Variants in CDYL2 observed in about 807,000 individuals in gnomAD.
CDYL2 encodes the protein chromodomain Y-like protein 2.
CDYL2 carries 23 observed loss-of-function variants against 49.4 expected under a neutral mutation model. That is an observed-to-expected ratio of 0.47 (90% confidence interval 0.34 to 0.66). The LOEUF (loss-of-function observed/expected upper bound fraction) is 0.66. Among genes scored for constraint, CDYL2 ranks in the 30% least tolerant of loss-of-function variants. The pLI is 0.01. For synonymous variants in CDYL2, 360 were observed against 268.8 expected (o/e 1.34, Z -3.32); for missense variants, 678 against 656.4 (o/e 1.03, Z -0.36).
At chr16:80,757,554 AT>A (rs1356286887) in intron 1 of CDYL2, among the ~76,000 whole-genome samples, 121 of 134,498 alleles carry the variant, frequency 9.0e-4, no homozygotes, top group African/African-American at 1.8e-3. Context: ...AAAAAAAAAA[AT>A]ATATATATAT....
At chr16:80,661,995 A>G (rs529159350) in intron 2 of CDYL2, among the ~76,000 whole-genome samples, 1 of 152,156 alleles carries the variant, frequency 6.6e-6, no homozygotes, top group African/African-American at 2.4e-5. Flanking sequence ...AACATACCCC[A>G]CGCCAAATTC....
chr16:80,735,688 G>C (rs1265330488), intron 1 of CDYL2, among the ~76,000 whole-genome samples: 1 of 152,176 alleles, frequency 6.6e-6, no homozygotes, highest in Non-Finnish European at 1.5e-5. Flanking sequence ...TTTGTGCATA[G>C]ACCTTTTTTT....
chr16:80,801,923 C>T (rs553002710), intron 1 of CDYL2, among the ~76,000 whole-genome samples: 2 of 152,214 alleles, frequency 1.3e-5, no homozygotes, highest in African/African-American at 2.4e-5. Context: ...GTTATATTCT[C>T]GTAATGCAAT....
chr16:80,742,818 T>C (rs1355544112), intron 1 of CDYL2, among the ~76,000 whole-genome samples: 1 of 144,136 alleles, frequency 6.9e-6, no homozygotes, highest in Non-Finnish European at 1.5e-5. Flanking sequence ...AGATGTAAAA[T>C]GAAAGACTGG....
intron 1 of CDYL2, among the ~76,000 whole-genome samples, chr16:80,800,381 G>A (rs1014564051): frequency 3.9e-5 from 6 of 152,220 alleles, no homozygotes; most frequent in East Asian, 3.9e-4. Context: ...ATGTGGACAC[G>A]GCAAAGGCTA....
intron 1 of CDYL2, among the ~76,000 whole-genome samples, chr16:80,751,039 A>G (rs189037327): frequency 6.4e-4 from 97 of 152,314 alleles, no homozygotes; most frequent in African/African-American, 2.1e-3. Context: ...AGTTACTTCA[A>G]ACTTTCAAAA....
At chr16:80,604,680 T>G in intron 6 of CDYL2, 134 bp from the exon 7 acceptor site, 1 of 840,932 alleles carries the variant, frequency 1.2e-6, no homozygotes, top group African/African-American at 1.7e-5. Flanking sequence ...AGCCTGGGCC[T>G]TCCCAGTCCC....
At chr16:80,615,109 G>C (rs976603477) in intron 4 of CDYL2, among the ~76,000 whole-genome samples, 5 of 152,106 alleles carry the variant, frequency 3.3e-5, no homozygotes, top group Non-Finnish European at 7.3e-5. Context: ...TAAGATGGTG[G>C]AGTTAGCTCT....
intron 1 of CDYL2, among the ~76,000 whole-genome samples, chr16:80,712,097 A>ATG (rs1904624995): frequency 6.9e-6 from 1 of 145,266 alleles, no homozygotes; most frequent in African/African-American, 2.6e-5. Context: ...GTGTATATAT[A>ATG]TGTGTATATA....
chr16:80,767,628 G>A (rs1906769912), intron 1 of CDYL2, among the ~76,000 whole-genome samples: 1 of 152,184 alleles, frequency 6.6e-6, no homozygotes, highest in African/African-American at 2.4e-5. Context: ...TTCAGACAGT[G>A]AACAAGGTAG....
chr16:80,685,132 G>A lies in CDYL2; in HGVS notation c.25-3C>T, dbSNP rs1348408429. The A allele has an allele frequency of 6.2e-7, 1 of 1,600,546 alleles. No homozygotes were observed. Among genetic ancestry groups the A allele is most frequent in the South Asian group, 1.1e-5 (1 of 89,424 alleles). ...CTCTTGTCTACAATCCTTTCAACCT[G>A]CGATACAAGATGAGAGGGTCAGAAA... On this transcript the variant is annotated splice_polypyrimidine_tract_variant and splice_region_variant and intron_variant, in intron 1 of 6. Transcript: ENST00000570137.
At chr16:80,727,448 C>A (rs573587379) in intron 1 of CDYL2, among the ~76,000 whole-genome samples, 2 of 152,366 alleles carry the variant, frequency 1.3e-5, no homozygotes, top group South Asian at 4.1e-4. Flanking sequence ...GAAGGTCCTA[C>A]GCCCACGGAG....
intron 1 of CDYL2, among the ~76,000 whole-genome samples, chr16:80,732,390 C>T (rs140520190): frequency 2.6e-5 from 4 of 152,078 alleles, no homozygotes; most frequent in Admixed American, 2.0e-4. Flanking sequence ...TTTTAGTCAT[C>T]GTGTTGGAAA....
At chr16:80,718,050 G>C (rs567290498) in intron 1 of CDYL2, among the ~76,000 whole-genome samples, 7 of 152,222 alleles carry the variant, frequency 4.6e-5, no homozygotes, top group African/African-American at 1.7e-4. Flanking sequence ...ACCCAGGAGG[G>C]GCTATTATCT....
chr16:80,614,890 A>G (rs919682409), intron 4 of CDYL2, among the ~76,000 whole-genome samples: 1 of 148,712 alleles, frequency 6.7e-6, no homozygotes, highest in African/African-American at 2.6e-5. Context: ...AAAAAAAAAA[A>G]AGTTGAGCTG....
intron 1 of CDYL2, among the ~76,000 whole-genome samples, chr16:80,793,173 G>C (rs923003271): frequency 1.5e-4 from 23 of 152,296 alleles, no homozygotes; most frequent in African/African-American, 5.3e-4. Flanking sequence ...AACTAGGCCA[G>C]CCACTGAGGC....
chr16:80,687,816 C>T (rs946268871), intron 1 of CDYL2, among the ~76,000 whole-genome samples: 1 of 152,142 alleles, frequency 6.6e-6, no homozygotes, highest in Non-Finnish European at 1.5e-5. Context: ...AGAAGTATAG[C>T]GCCTATCTCT....
At chr16:80,703,215 C>T (rs1212908117) in intron 1 of CDYL2, among the ~76,000 whole-genome samples, 1 of 152,102 alleles carries the variant, frequency 6.6e-6, no homozygotes, top group East Asian at 1.9e-4. Flanking sequence ...TAATTATCTT[C>T]TTTATACTCT....
At chr16:80,687,487 T>C (rs1910244965) in intron 1 of CDYL2, among the ~76,000 whole-genome samples, 1 of 151,590 alleles carries the variant, frequency 6.6e-6, no homozygotes, top group East Asian at 1.9e-4. Context: ...GATGGCTGGA[T>C]AGATGGATAG....
Sources: allele counts gnomAD v4.1 joint callset (sites outside exome capture counted in the v4.1 genomes callset), GRCh38; gene constraint gnomAD v4.1.1; transcripts MANE v1.5; gene names NCBI Gene and HGNC (gene_info 2026-07-23, HGNC 2026-07-21).